The following ABCA9 variants were observed in gnomAD, a reference collection of about 807,000 sequenced individuals.
ABCA9 encodes the protein ATP binding cassette subfamily A member 9.
Under a neutral mutation model 205.3 loss-of-function variants are expected in ABCA9, and 183 were observed. The ratio of observed to expected loss-of-function variants is 0.89; its 90% CI spans 0.79 to 1.01. The LOEUF is 1.01. ABCA9 is among the 50% of genes least tolerant of loss of function. ABCA9 has a pLI of 0.00. For synonymous variants in ABCA9, 651 were observed against 683.3 expected, an observed-to-expected ratio of 0.95 and a Z score of 0.74; for missense variants, 1,805 against 1,912.4, an observed-to-expected ratio of 0.94 and a Z score of 1.05.
At position 68,976,269 on chromosome 17, in the gene ABCA9, AC is replaced by A. The variant is rs557745133; in HGVS notation, c.4721-80del. On this transcript the variant is annotated intron_variant, in intron 37 of 38. Transcript: ENST00000340001. ...TACCAAGTAACAAACCAAAATACAT[AC>A]AAGTAGATCTTAAACATAAAAGATA... 1.9e-3 allele frequency: 2,226 copies of A among 1,157,504 alleles called. 6 individuals are homozygous for A. The highest frequency in any genetic ancestry group is 7.2e-3 in the Middle Eastern group (35 of 4,880). The allele number at this position is 1,157,504 out of a possible 1,614,324, so 71.7% of individuals were successfully genotyped here.
At chr17:69,051,180 C>G in intron 1 of ABCA9, 41 bp from the exon 2 acceptor site, 1 of 1,560,574 alleles carries the variant, frequency 6.4e-7, no homozygotes, top group Non-Finnish European at 8.7e-7. Flanking sequence ...ATGTGAAGGT[C>G]TAAAGTAGAA....
intron 3 of ABCA9, 123 bp from the exon 4 acceptor site, chr17:69,045,459 A>T (rs534885105): frequency 7.0e-5 from 11 of 156,878 alleles, no homozygotes; most frequent in Non-Finnish European, 1.2e-4. Context: ...CTGGGCCTAA[A>T]TAAGACATGG....
chr17:69,027,307 C>G (rs1440226362), intron 14 of ABCA9, 23 bp downstream of exon 14: 3 of 1,609,336 alleles, frequency 1.9e-6, no homozygotes, highest in Non-Finnish European at 2.5e-6. Flanking sequence ...TCTGATTTCA[C>G]CAGTAATTTT....
intron 8 of ABCA9, 127 bp from the exon 9 acceptor site, chr17:69,034,000 T>A: frequency 1.4e-6 from 1 of 732,872 alleles, no homozygotes; most frequent in African/African-American, 1.8e-5. Flanking sequence ...TACAGAGCTC[T>A]GTCTACTATT....
At position 68,974,613 on chromosome 17, in the gene ABCA9, C is replaced by T. The variant is rs1243131104; in HGVS notation, c.*1302G>A. ...TAGATAGCAATAATAATAGTATTAA[C>T]AAGAAAAACTCACCTAAATAAGAGT... On this transcript the variant is annotated 3_prime_UTR_variant, in exon 39 of 39. Coordinates refer to ENST00000340001, the MANE Select transcript of ABCA9 (RefSeq NM_080283.4). The T allele has an allele frequency of 6.6e-6, 1 of 152,004 alleles. No homozygotes were observed. Among genetic ancestry groups the T allele is most frequent in the African/African-American group, 2.4e-5 (1 of 41,374 alleles). The allele number at this position is 152,004 out of a possible 1,614,324, so 9.4% of individuals were successfully genotyped here. A position where few individuals can be genotyped will look rare whatever the true frequency, so the allele number is the denominator to read the frequency against.
chr17:69,014,298 A>AGAGT (rs1491066004), intron 22 of ABCA9, among the ~76,000 whole-genome samples: 31 of 152,318 alleles, frequency 2.0e-4, no homozygotes, highest in African/African-American at 6.7e-4. Context: ...CACACAACAC[A>AGAGT]GAGTTTATTA....
intron 32 of ABCA9, 137 bp from the exon 33 acceptor site, chr17:68,985,265 G>T: frequency 2.9e-6 from 3 of 1,025,106 alleles, no homozygotes; most frequent in South Asian, 1.5e-5. Context: ...AAACCACCTA[G>T]GTACTTTATG....
intron 9 of ABCA9, 49 bp from the exon 10 acceptor site, chr17:69,032,325 G>A (rs911078414): frequency 7.7e-6 from 12 of 1,554,934 alleles, no homozygotes; most frequent in South Asian, 1.2e-5. Context: ...TCGCTTCAAG[G>A]ATTCCATCAG....
chr17:69,074,903 G>C, the ABCA9 span, among the ~76,000 whole-genome samples: 2 of 152,120 alleles, frequency 1.3e-5, no homozygotes, highest in East Asian at 3.9e-4. Context: ...CAGCCTTGCT[G>C]GTATCTGCTG....
At chr17:68,977,297 A>C (rs73365972) in intron 37 of ABCA9, among the ~76,000 whole-genome samples, 8,387 of 152,196 alleles carry the variant, frequency 0.055, 548 homozygotes, top group African/African-American at 0.16. Context: ...GGGGGGAAAG[A>C]AAGTCATCAA....
chr17:69,064,949 A>G (rs1020652352), upstream of ABCA9, among the ~76,000 whole-genome samples: 1 of 151,974 alleles, frequency 6.6e-6, no homozygotes, highest in Non-Finnish European at 1.5e-5. Flanking sequence ...GTTTTTGTTT[A>G]TAGCTCTGAC....
At chr17:69,008,017 G>T in intron 24 of ABCA9, 45 bp downstream of exon 24, 1 of 1,536,004 alleles carries the variant, frequency 6.5e-7, no homozygotes, top group South Asian at 1.2e-5. Context: ...CTGCATTCAT[G>T]AAAAAATAGT....
rs538767105 is a variant in ABCA9, at chr17:68,989,924, C to T, written c.3844G>A (p.Val1282Ile). 6 of 1,607,158 alleles carry T rather than the reference C, an allele frequency of 3.7e-6. No homozygotes were observed. Among genetic ancestry groups the T allele is most frequent in the East Asian group, 2.2e-5 (1 of 44,750 alleles). ...TTCCGTAGACAGCTGGCAATGATGA[C>T]GGGTGTCTGTAAAGACAAGTAAATA... is the stretch of plus-strand genomic sequence containing the variant. ...MAVRDFDETP[V>I]IIASCLRKEY... Residue 1282 changes from valine to isoleucine, a missense_variant, in exon 30 of 39, where the codon GTC (valine) becomes ATC (isoleucine). By Grantham distance (29) the Val-to-Ile change is conservative. Coordinates refer to ENST00000340001, the MANE Select transcript of ABCA9 (RefSeq NM_080283.4).
At chr17:69,009,145 A>C (rs2070276402) in intron 23 of ABCA9, among the ~76,000 whole-genome samples, 1 of 152,196 alleles carries the variant, frequency 6.6e-6, no homozygotes, top group Non-Finnish European at 1.5e-5. Flanking sequence ...TTATAAATTT[A>C]AGTTGCAGGG....
intron 31 of ABCA9, among the ~76,000 whole-genome samples, chr17:68,987,821 C>T (rs932451357): frequency 1.8e-4 from 26 of 148,456 alleles, no homozygotes; most frequent in Admixed American, 1.2e-3. Context: ...AGTGCAATAG[C>T]GCTATCTCAG....
intron 12 of ABCA9, 48 bp from the exon 13 acceptor site, chr17:69,027,863 T>TC: frequency 4.2e-6 from 6 of 1,412,350 alleles, no homozygotes; most frequent in Non-Finnish European, 5.8e-6. Context: ...GTGTCATGCT[T>TC]CATTGAAGAT....
chr17:69,020,469 G>C lies in ABCA9; in HGVS notation c.2519C>G (p.Ala840Gly), dbSNP rs547831027. The change falls in exon 19 of 39, where the codon GCG becomes GGG. Residue 840 changes from alanine to glycine, a missense_variant. Transcript: ENST00000340001. ...TGCACAGACCTGCTGCCTCCAGAGC[G>C]CCACGCCACTGATTGTTTTCCTTGT... ...HETRKTISGVALWRQQVCAIA... is the reference protein window; with the variant it reads ...HETRKTISGVGLWRQQVCAIA... 6.2e-7 allele frequency: 1 copy of C among 1,613,974 alleles called. No individual in the cohort carries two copies. The highest frequency in any genetic ancestry group is 2.2e-5 in the East Asian group (1 of 44,870).
intron 25 of ABCA9, among the ~76,000 whole-genome samples, chr17:69,006,215 A>T (rs1202869749): frequency 6.6e-6 from 1 of 152,166 alleles, no homozygotes; most frequent in Non-Finnish European, 1.5e-5. Flanking sequence ...TCTTTGAAAA[A>T]CTGTTTGGCA....
chr17:69,016,212 CTT>C, intron 22 of ABCA9, 39 bp downstream of exon 22: 1 of 1,407,902 alleles, frequency 7.1e-7, no homozygotes, highest in Non-Finnish European at 9.3e-7. Flanking sequence ...TTCTTGAAAA[CTT>C]ATCATGGCAC....
Sources: gnomAD v4.1 joint callset for allele counts (sites outside exome capture counted in the v4.1 genomes callset) on GRCh38, gnomAD v4.1.1 for gene constraint, MANE v1.5 for transcripts, NCBI Gene and HGNC (gene_info 2026-07-23, HGNC 2026-07-21) for gene names.